ALMS1: variants seen among roughly 807,000 people sequenced by gnomAD.
ALMS1 encodes the protein centrosome-associated protein ALMS1.
In ALMS1, 271 loss-of-function variants were observed where a neutral mutation model predicts 352.2. The ratio of observed to expected loss-of-function variants is 0.77; its 90% CI spans 0.70 to 0.85. ALMS1 has a LOEUF of 0.85. Among genes scored for constraint, ALMS1 ranks in the 40% least tolerant of loss-of-function variants. The pLI is 0.00. For missense variants in ALMS1, 5,445 were observed against 4,870.7 expected (o/e 1.12, Z -3.51); for synonymous variants, 1,865 against 1,761.2 (o/e 1.06, Z -1.48).
rs556221316 is a variant in ALMS1, at chr2:73,600,836, C to G, written c.11827C>G (p.Pro3943Ala). Reference sequence around the variant, plus strand: ...AGAGAAAATGCTCTTTACCGGTTATCCTGAGGACAGAAAGTTAAAAAAGAA... The same window carrying G: ...AGAGAAAATGCTCTTTACCGGTTATGCTGAGGACAGAAAGTTAAAAAAGAA... ...REEKMLFTGY[P>A]EDRKLKKNKK... The change falls in exon 18 of 23, where the codon CCT becomes GCT. Residue 3943 changes from proline (P) to alanine (A), a missense_variant. Physicochemically the swap from Pro to Ala is conservative, Grantham distance 27. Coordinates refer to ENST00000613296, the MANE Select transcript of ALMS1 (RefSeq NM_001378454.1). 36 of 1,614,186 alleles carry G rather than the reference C, an allele frequency of 2.2e-5. No homozygotes were observed. The South Asian group carries it at 3.4e-4, about 15-fold the overall frequency.
intron 9 of ALMS1, among the ~76,000 whole-genome samples, chr2:73,468,847 C>G (rs1423713500): frequency 6.6e-6 from 1 of 151,896 alleles, no homozygotes; most frequent in Non-Finnish European, 1.5e-5. Context: ...TATTTGTTTT[C>G]TACATCAAGG....
rs539401920 is a variant in ALMS1 at position 73,564,244 on chromosome 2, T to C, written c.10384+5102T>C. ...ACTTTGGGAAGCTAGGGTGGGTGGA[T>C]CACTTGAGATCAGGAGTTCAAGACC... On this transcript the variant is annotated intron_variant, in intron 15 of 22. Coordinates refer to ENST00000613296, the MANE Select transcript of ALMS1 (RefSeq NM_001378454.1). 5.9e-5 allele frequency among the ~76,000 whole-genome samples: 9 copies of C among 152,022 alleles called. No homozygotes were observed. In the South Asian group the frequency reaches 1.7e-3, roughly 28 times the overall value.
chr2:73,508,064 A>G (rs1673369270), intron 10 of ALMS1, among the ~76,000 whole-genome samples: 1 of 151,802 alleles, frequency 6.6e-6, no homozygotes, highest in Admixed American at 6.6e-5. Flanking sequence ...CAGGTTATTT[A>G]GTTTCCATGT....
intron 11 of ALMS1, among the ~76,000 whole-genome samples, chr2:73,532,227 A>G (rs531872734): frequency 3.3e-5 from 5 of 152,132 alleles, no homozygotes; most frequent in Non-Finnish European, 7.4e-5. Context: ...CCTGAGGTCT[A>G]CAGGAACCAC....
At chr2:73,526,997 A>G (rs1470357288) in intron 11 of ALMS1, among the ~76,000 whole-genome samples, 1 of 152,066 alleles carries the variant, frequency 6.6e-6, no homozygotes, top group African/African-American at 2.4e-5. Flanking sequence ...TTGAATTTTA[A>G]GAAATGTTTT....
chr2:73,482,343 T>G (rs1369963357), intron 9 of ALMS1, among the ~76,000 whole-genome samples: 1 of 152,170 alleles, frequency 6.6e-6, no homozygotes, highest in Non-Finnish European at 1.5e-5. Context: ...AATCATGTGG[T>G]TTTTGTCTTT....
chr2:73,427,927 A>G (rs1350395311), intron 6 of ALMS1, among the ~76,000 whole-genome samples: 2 of 152,182 alleles, frequency 1.3e-5, no homozygotes, highest in African/African-American at 2.4e-5. Context: ...ATGTTTTTGT[A>G]AAGCTCTATT....
chr2:73,589,174 T>G (rs75833728), intron 16 of ALMS1, among the ~76,000 whole-genome samples: 4,331 of 152,044 alleles, frequency 0.028, 189 homozygotes, highest in African/African-American at 0.098. Flanking sequence ...CCATAAAAGT[T>G]GTTTTTGTTT....
chr2:73,574,334 C>G (rs987829624), intron 16 of ALMS1, among the ~76,000 whole-genome samples: 1 of 152,144 alleles, frequency 6.6e-6, no homozygotes, highest in East Asian at 1.9e-4. Context: ...TAGACATGCT[C>G]TCCAAAGAAG....
chr2:73,513,720 CAT>C (rs1489736298), intron 10 of ALMS1, among the ~76,000 whole-genome samples: 1 of 152,184 alleles, frequency 6.6e-6, no homozygotes, highest in Non-Finnish European at 1.5e-5. Flanking sequence ...TCTAACTCCA[CAT>C]GTCTGGTGGA....
intron 2 of ALMS1, among the ~76,000 whole-genome samples, chr2:73,409,579 T>TA (rs1360426571): frequency 2.0e-5 from 3 of 152,276 alleles, no homozygotes; most frequent in East Asian, 3.9e-4. Context: ...TATTTTAAAG[T>TA]AAAAAATGAC....
chr2:73,551,734 C>G (rs1674439473), intron 13 of ALMS1, among the ~76,000 whole-genome samples: 1 of 152,060 alleles, frequency 6.6e-6, no homozygotes, highest in Non-Finnish European at 1.5e-5. Context: ...CCGTGTCTGG[C>G]CCCCACTGTT....
intron 10 of ALMS1, among the ~76,000 whole-genome samples, chr2:73,508,665 T>C (rs1181459948): frequency 6.6e-6 from 1 of 152,208 alleles, no homozygotes; most frequent in Non-Finnish European, 1.5e-5. Flanking sequence ...AGAATGTATA[T>C]TCTGTTGATT....
chr2:73,519,269 C>A (rs1673622083), intron 10 of ALMS1, among the ~76,000 whole-genome samples: 1 of 152,056 alleles, frequency 6.6e-6, no homozygotes, highest in African/African-American at 2.4e-5. Flanking sequence ...GCAAAATTTG[C>A]TTCTTCTTTC....
intron 16 of ALMS1, among the ~76,000 whole-genome samples, chr2:73,575,538 A>T (rs1675033844): frequency 6.6e-6 from 1 of 152,146 alleles, no homozygotes; most frequent in South Asian, 2.1e-4. Flanking sequence ...AGTTAGTATC[A>T]TTGTGGTTTT....
Position 73,426,660 on chromosome 2 carries a change from C to T in ALMS1, c.1338+107C>T, listed in dbSNP as rs1671385953. 2.7e-6 allele frequency: 3 copies of T among 1,127,504 alleles called. No individual in the cohort carries two copies. In the Admixed American group the frequency reaches 5.6e-5, roughly 21 times the overall value. The allele number at this position is 1,127,504 out of a possible 1,614,324, so 69.8% of individuals were successfully genotyped here. ...TTTACTTTTTACTGTTTCCTGGGTA[C>T]ATGACCAATGTCATTTGACTGGTGA... On this transcript the variant is annotated intron_variant, in intron 6 of 22. Coordinates refer to ENST00000613296, the MANE Select transcript of ALMS1 (RefSeq NM_001378454.1).
rs1205311372 is a variant in ALMS1, at chr2:73,489,978, T to C, written c.8019T>C (p.Asp2673=). The C allele has an allele frequency of 1.2e-6, 2 of 1,614,118 alleles. No individual in the cohort carries two copies. The highest frequency in any genetic ancestry group is 1.7e-6 in the Non-Finnish European group (2 of 1,180,034). Residue 2673 remains aspartate, a synonymous_variant, in exon 10 of 23, where the codon GAT becomes GAC. Coordinates refer to ENST00000613296, the MANE Select transcript of ALMS1 (RefSeq NM_001378454.1). Reference sequence around the variant, plus strand: ...GCAAAGGTCTTCGAATGCCATTCGATGAAAAGATGGACCCTTGGCTGTCAG... The same window carrying C: ...GCAAAGGTCTTCGAATGCCATTCGACGAAAAGATGGACCCTTGGCTGTCAG... ...KISKGLRMPF[D]EKMDPWLSEL...
At chr2:73,588,602 T>C (rs1171744532) in intron 16 of ALMS1, among the ~76,000 whole-genome samples, 1 of 152,208 alleles carries the variant, frequency 6.6e-6, no homozygotes, top group African/African-American at 2.4e-5. Context: ...TAGTTTACTA[T>C]TGTCAGTACA....
In ALMS1 at chr2:73,491,878, TCTCC is replaced by T. The variant is rs1158305839; in HGVS notation, c.9539+384_9539+387del. Among the ~76,000 whole-genome samples the T allele has an allele frequency of 2.0e-5, 3 of 152,310 alleles. No individual in the cohort carries two copies. The East Asian group carries it at 5.8e-4, about 29-fold the overall frequency. On this transcript the variant is annotated intron_variant, in intron 10 of 22. Transcript: ENST00000613296. ...GGTGCTTGGTCACTCTCTCTCCCGC[TCTCC>T]CTCTCTCTCTCTCTTCTCCAGCTCT... is the stretch of plus-strand genomic sequence containing the variant.
Sources: allele counts gnomAD v4.1 joint callset (sites outside exome capture counted in the v4.1 genomes callset), GRCh38; gene constraint gnomAD v4.1.1; transcripts MANE v1.5; gene names NCBI Gene and HGNC (gene_info 2026-07-23, HGNC 2026-07-21).